ULK1: variants seen among roughly 807,000 people sequenced by gnomAD.
ULK1 encodes the protein serine/threonine-protein kinase ULK1.
Under a neutral mutation model 117.5 loss-of-function variants are expected in ULK1, and 48 were observed. The observed-to-expected ratio is 0.41, with a 90% CI of 0.32 to 0.52. The LOEUF is 0.52. ULK1 is among the 20% of genes least tolerant of loss of function. The pLI is 0.29. For synonymous variants in ULK1, 790 were observed against 637.8 expected (o/e 1.24, Z -3.60); for missense variants, 1,387 against 1,473.4 (o/e 0.94, Z 0.96).
intron 3 of ULK1, among the ~76,000 whole-genome samples, chr12:131,899,185 A>G (rs1480798834): frequency 1.3e-5 from 2 of 149,796 alleles, no homozygotes; most frequent in Non-Finnish European, 3.0e-5. Context: ...ATATTTCTAT[A>G]TTTTATATAT....
chr12:131,921,025 C>T (rs547325326), intron 26 of ULK1, 75 bp from the exon 27 acceptor site: 9 of 1,487,270 alleles, frequency 6.1e-6, no homozygotes, highest in African/African-American at 5.6e-5. Context: ...GGGCCGCTGC[C>T]GTGGGTGCAG....
rs201018467 is a variant in ULK1, at chr12:131,915,439, G to T, written c.1609+18G>T. The T allele has an allele frequency of 7.0e-5, 112 of 1,611,076 alleles. No individual in the cohort carries two copies. The highest frequency in any genetic ancestry group is 3.4e-4 in the Middle Eastern group (2 of 5,832). On this transcript the variant is annotated intron_variant, in intron 18 of 27. Coordinates refer to ENST00000321867, the MANE Select transcript of ULK1 (RefSeq NM_003565.4). ...TCGTCCAGGTGGGTGCAGTCCGGAG[G>T]GGGGAGGGGGTGCTAGGCTGACCTC...
In ULK1 at chr12:131,908,990, GGCTGT is replaced by G; in HGVS notation, c.564+22_564+26del. 2 of 1,612,834 alleles carry G rather than the reference GGCTGT, an allele frequency of 1.2e-6. No individual in the cohort carries two copies. The highest frequency in any genetic ancestry group is 1.7e-6 in the Non-Finnish European group (2 of 1,179,876). ...GTACATGGTGTGTTTACCTTGGCCG[GGCTGT>G]GCCGGGTGGGCGCCTCTCTGGGCTT... On this transcript the variant is annotated intron_variant, in intron 7 of 27. Coordinates refer to ENST00000321867, the MANE Select transcript of ULK1 (RefSeq NM_003565.4).
At chr12:131,909,670 G>A (rs376840923) in intron 8 of ULK1, 105 bp from the exon 9 acceptor site, 19 of 1,233,226 alleles carry the variant, frequency 1.5e-5, no homozygotes, top group Non-Finnish European at 2.1e-5. Context: ...CCCGGGCTTC[G>A]CAGCGTCTGG....
In ULK1 at chr12:131,912,120, G is replaced by A. The variant is rs1284084351; in HGVS notation, c.1096+31G>A. 7 of 1,600,106 alleles carry A rather than the reference G, an allele frequency of 4.4e-6. No homozygotes were observed. The East Asian group carries it at 6.8e-5, about 15-fold the overall frequency. On this transcript the variant is annotated intron_variant, in intron 13 of 27. Transcript: ENST00000321867. ...GGGGCACGCTGGGCTTGGAGGTGACGCCTCAGGTGCGGCGGGGACAGTGCA... is the reference window on the plus strand; with the variant it reads ...GGGGCACGCTGGGCTTGGAGGTGACACCTCAGGTGCGGCGGGGACAGTGCA...
chr12:131,896,891 T>C (rs1452219797), intron 3 of ULK1: 5 of 152,520 alleles, frequency 3.3e-5, no homozygotes. Context: ...AGGCAGCGAC[T>C]CTGAGGGACT....
intron 26 of ULK1, 81 bp from the exon 27 acceptor site, chr12:131,921,019 C>G: frequency 1.4e-6 from 2 of 1,472,020 alleles, no homozygotes; most frequent in Admixed American, 2.2e-5. Flanking sequence ...ACCCCTGGGC[C>G]GCTGCCGTGG....
intron 5 of ULK1, 175 bp from the exon 6 acceptor site, chr12:131,908,469 G>T: frequency 1.5e-6 from 1 of 675,262 alleles, no homozygotes; most frequent in Middle Eastern, 4.3e-4. Context: ...CTTCAGGTGC[G>T]CCCTGGTCTC....
chr12:131,895,624 C>T lies in ULK1; in HGVS notation c.135C>T (p.Val45=), dbSNP rs144096667. 8.6e-4 allele frequency: 1,384 copies of T among 1,613,854 alleles called. 3 individuals carry two copies. Among genetic ancestry groups the T allele is most frequent in the Non-Finnish European group, 7.9e-4 (936 of 1,179,984 alleles). Residue 45 remains valine (V), a synonymous_variant, in exon 2 of 28, where the codon GTC becomes GTT. Coordinates refer to ENST00000321867, the MANE Select transcript of ULK1 (RefSeq NM_003565.4). ...AGAAGCACGATTTGGAGGTCGCCGTCAAGTGCATTAACAAGAAGAACCTCG... is the reference window on the plus strand; with the variant it reads ...AGAAGCACGATTTGGAGGTCGCCGTTAAGTGCATTAACAAGAAGAACCTCG... ...HREKHDLEVA[V]KCINKKNLAK...
At position 131,906,100 on chromosome 12, in the gene ULK1, TTC is replaced by T. The variant is rs1341322177; in HGVS notation, c.247-790_247-789del. Among the ~76,000 whole-genome samples, 24 of 151,242 alleles carry T rather than the reference TTC, an allele frequency of 1.6e-4. No individual in the cohort carries two copies. The East Asian group carries it at 4.3e-3, about 27-fold the overall frequency. ...CGCCAACCTGCAATCTGTTGGCGTC[TTC>T]TTTTTTTTTGAGATGGAGTCTCACT... On this transcript the variant is annotated intron_variant, in intron 3 of 27. Coordinates refer to ENST00000321867, the MANE Select transcript of ULK1 (RefSeq NM_003565.4).
intron 13 of ULK1, 108 bp from the exon 14 acceptor site, chr12:131,913,090 C>T (rs1566122236): frequency 3.8e-6 from 4 of 1,060,630 alleles, no homozygotes; most frequent in Non-Finnish European, 5.1e-6. Flanking sequence ...GAGCTGAGGC[C>T]CCTGCAAGGT....
chr12:131,900,112 CTCAA>C (rs1267550136), intron 3 of ULK1, among the ~76,000 whole-genome samples: 10 of 77,630 alleles, frequency 1.3e-4, no homozygotes, highest in African/African-American at 5.4e-4. Flanking sequence ...GTGAAACTCT[CTCAA>C]AAAAAAAAAA....
At chr12:131,904,795 G>A (rs2136385279) in intron 3 of ULK1, among the ~76,000 whole-genome samples, 1 of 152,282 alleles carries the variant, frequency 6.6e-6, no homozygotes, top group African/African-American at 2.4e-5. Context: ...GCACTCACTG[G>A]AGGGGCTGTG....
Position 131,909,841 on chromosome 12 carries a change from C to T in ULK1, c.725+8C>T. On this transcript the variant is annotated splice_region_variant and intron_variant, in intron 9 of 27. Transcript: ENST00000321867. Reference sequence around the variant, plus strand: ...CAAGACGTTGGTCCCCACGTAAGCACCCTCCCGCCTTCCCTTCCCTTCCCC... The same window carrying T: ...CAAGACGTTGGTCCCCACGTAAGCATCCTCCCGCCTTCCCTTCCCTTCCCC... 6 of 1,611,508 alleles carry T rather than the reference C, an allele frequency of 3.7e-6. No homozygotes were observed. The highest frequency in any genetic ancestry group is 1.7e-4 in the Middle Eastern group (1 of 6,058).
At chr12:131,910,148 GC>G in intron 10 of ULK1, 105 bp from the exon 11 acceptor site, 1 of 1,571,924 alleles carries the variant, frequency 6.4e-7, no homozygotes, top group Non-Finnish European at 8.7e-7. Flanking sequence ...CTCCACCTCC[GC>G]CCGGGCAGGT....
Position 131,909,833 on chromosome 12 carries a change from C to T in ULK1, c.725C>T (p.Thr242Ile), listed in dbSNP as rs145451295. The T allele has an allele frequency of 3.0e-3, 4,818 of 1,611,584 alleles. 16 individuals are homozygous for T. The highest frequency in any genetic ancestry group is 4.0e-3 in the Admixed American group (239 of 59,900). Residue 242 changes from threonine to isoleucine, a missense_variant and splice_region_variant, in exon 9 of 28, where the codon ACC becomes ATC. By Grantham distance (89) the Thr-to-Ile change is moderately conservative. Transcript: ENST00000321867. ...FYEKNKTLVP[T>I]IPRETSAPLR... Reference sequence around the variant, plus strand: ...GAGAAGAACAAGACGTTGGTCCCCACGTAAGCACCCTCCCGCCTTCCCTTC... The same window carrying T: ...GAGAAGAACAAGACGTTGGTCCCCATGTAAGCACCCTCCCGCCTTCCCTTC...
intron 12 of ULK1, among the ~76,000 whole-genome samples, chr12:131,911,326 C>T (rs921091292): frequency 1.3e-5 from 2 of 152,206 alleles, no homozygotes; most frequent in Non-Finnish European, 2.9e-5. Context: ...CCTGGCCTGG[C>T]CCCCTGCTCT....
At position 131,920,054 on chromosome 12, in the gene ULK1, T is replaced by G; in HGVS notation, c.2879T>G (p.Phe960Cys). The G allele has an allele frequency of 1.2e-6, 2 of 1,612,824 alleles. No homozygotes were observed. Among genetic ancestry groups the G allele is most frequent in the Non-Finnish European group, 1.7e-6 (2 of 1,179,964 alleles). Residue 960 changes from phenylalanine to cysteine, a missense_variant, in exon 26 of 28, where the codon TTC becomes TGC. Physicochemically the swap from Phe to Cys is radical, Grantham distance 205. Coordinates refer to ENST00000321867, the MANE Select transcript of ULK1 (RefSeq NM_003565.4). ...CQGLSLRLQR[F>C]FLDKQRLLDR... The stretch of plus-strand genomic sequence containing the variant: ...GGCCTGAGCCTGCGGCTGCAGCGCT[T>G]CTTCCTGGACAAGCAGCGGCTCCTG...
intron 22 of ULK1, among the ~76,000 whole-genome samples, chr12:131,917,927 G>A (rs527944861): frequency 1.2e-4 from 18 of 152,322 alleles, no homozygotes; most frequent in South Asian, 2.1e-4. Context: ...GCAGACAGGC[G>A]TGCCCCTCGG....
Sources: gnomAD v4.1 joint callset for allele counts (sites outside exome capture counted in the v4.1 genomes callset) on GRCh38, gnomAD v4.1.1 for gene constraint, MANE v1.5 for transcripts, NCBI Gene and HGNC (gene_info 2026-07-23, HGNC 2026-07-21) for gene names.